SLC24A2: variants seen among roughly 807,000 people sequenced by gnomAD.
SLC24A2 encodes sodium/potassium/calcium exchanger 2.
SLC24A2 carries 36 observed loss-of-function variants against 62.0 expected under a neutral mutation model. The observed-to-expected ratio is 0.58, with a 90% CI of 0.44 to 0.77. The LOEUF (loss-of-function observed/expected upper bound fraction) is 0.77, where lower values mean the gene tolerates loss of function less well. Ranked by LOEUF, SLC24A2 falls within the 30% of genes least tolerant of loss-of-function variation. SLC24A2 has a pLI of 0.00. For missense variants in SLC24A2, 846 were observed against 817.9 expected (o/e 1.03, Z -0.42); for synonymous variants, 358 against 294.0 (o/e 1.22, Z -2.23).
the SLC24A2 span, among the ~76,000 whole-genome samples, chr9:20,127,260 C>A: frequency 1.8e-4 from 27 of 152,242 alleles, no homozygotes; most frequent in African/African-American, 6.5e-4. Context: ...GAATCCCCAG[C>A]AAACATTCTG....
At chr9:19,717,627 T>G (rs1820896470) in intron 2 of SLC24A2, among the ~76,000 whole-genome samples, 1 of 152,216 alleles carries the variant, frequency 6.6e-6, no homozygotes, top group Non-Finnish European at 1.5e-5. Flanking sequence ...CATTCTAATG[T>G]TAAACTACTC....
the SLC24A2 span, among the ~76,000 whole-genome samples, chr9:20,221,159 A>T: frequency 6.6e-6 from 1 of 152,128 alleles, no homozygotes; most frequent in African/African-American, 2.4e-5. Flanking sequence ...ATATCATGCT[A>T]ATTGCGATAA....
chr9:20,067,893 T>C, the SLC24A2 span, among the ~76,000 whole-genome samples: 2 of 152,122 alleles, frequency 1.3e-5, no homozygotes, highest in African/African-American at 4.8e-5. Context: ...TTCCTTTGGG[T>C]ATATACCCAG....
the SLC24A2 span, among the ~76,000 whole-genome samples, chr9:20,158,682 G>C: frequency 6.6e-6 from 1 of 151,460 alleles, no homozygotes; most frequent in Admixed American, 6.6e-5. Context: ...ATAACTGAAA[G>C]AATAAAAAAT....
intron 9 of SLC24A2, among the ~76,000 whole-genome samples, chr9:19,527,809 T>C (rs1269798833): frequency 6.6e-6 from 1 of 152,162 alleles, no homozygotes; most frequent in Non-Finnish European, 1.5e-5. Flanking sequence ...AGGCAAGAAG[T>C]AGTTAGACTT....
the SLC24A2 span, among the ~76,000 whole-genome samples, chr9:20,261,889 G>A: frequency 4.0e-5 from 6 of 151,700 alleles, no homozygotes; most frequent in Admixed American, 1.3e-4. Context: ...ACAGGCGCCC[G>A]CCACCACGCC....
chr9:20,292,363 T>G, the SLC24A2 span, among the ~76,000 whole-genome samples: 1 of 151,952 alleles, frequency 6.6e-6, no homozygotes, highest in East Asian at 1.9e-4. Context: ...TAGAAAGAAA[T>G]GTAGGAGAGG....
the SLC24A2 span, among the ~76,000 whole-genome samples, chr9:19,847,266 T>G: frequency 1.3e-5 from 2 of 152,226 alleles, no homozygotes; most frequent in African/African-American, 2.4e-5. Flanking sequence ...TATTGCCCAT[T>G]ATTTAAATAG....
chr9:20,143,866 AT>A, the SLC24A2 span, among the ~76,000 whole-genome samples: 1 of 152,240 alleles, frequency 6.6e-6, no homozygotes, highest in Non-Finnish European at 1.5e-5. Flanking sequence ...TGACTCTAAT[AT>A]TTTGATGGTG....
At chr9:20,226,501 G>A in the SLC24A2 span, among the ~76,000 whole-genome samples, 17,027 of 152,130 alleles carry the variant, frequency 0.11, 1,096 homozygotes, top group African/African-American at 0.17. Context: ...TTCACAACAT[G>A]TGGGTTGTGA....
chr9:20,096,125 A>G, the SLC24A2 span, among the ~76,000 whole-genome samples: 3,518 of 150,798 alleles, frequency 0.023, 64 homozygotes, highest in Middle Eastern at 0.037. Flanking sequence ...CCGTCCGTCC[A>G]TCCTATTGAT....
At chr9:20,258,109 G>A in the SLC24A2 span, among the ~76,000 whole-genome samples, 1 of 152,152 alleles carries the variant, frequency 6.6e-6, no homozygotes, top group Non-Finnish European at 1.5e-5. Context: ...GGAGAATAAT[G>A]ACTCCCAAAG....
chr9:20,284,258 A>G, the SLC24A2 span, among the ~76,000 whole-genome samples: 2 of 149,962 alleles, frequency 1.3e-5, no homozygotes, highest in South Asian at 2.1e-4. Context: ...GTTTGTCTAT[A>G]TAATTCAAAT....
At chr9:19,537,342 C>A (rs1173901279) in intron 8 of SLC24A2, among the ~76,000 whole-genome samples, 8 of 107,660 alleles carry the variant, frequency 7.4e-5, no homozygotes, top group East Asian at 2.9e-4. Context: ...TTAGGTCTAA[C>A]GTTTAAATCT....
chr9:19,942,610 C>G, the SLC24A2 span, among the ~76,000 whole-genome samples: 345 of 152,274 alleles, frequency 2.3e-3, 7 homozygotes, highest in East Asian at 0.06. Flanking sequence ...CTTAATTTAA[C>G]CTAGCGAACA....
At chr9:20,058,653 C>A in the SLC24A2 span, among the ~76,000 whole-genome samples, 1 of 152,154 alleles carries the variant, frequency 6.6e-6, no homozygotes, top group African/African-American at 2.4e-5. Context: ...TAGAGACTCA[C>A]GTCTGTAATC....
chr9:19,762,230 G>A (rs1430916639), intron 2 of SLC24A2, among the ~76,000 whole-genome samples: 1 of 151,894 alleles, frequency 6.6e-6, no homozygotes, highest in Admixed American at 6.6e-5. Flanking sequence ...ATTAATAGAT[G>A]GCAAACATTT....
the SLC24A2 span, among the ~76,000 whole-genome samples, chr9:19,970,663 A>G: frequency 3.3e-5 from 5 of 152,362 alleles, no homozygotes; most frequent in African/African-American, 1.2e-4. Context: ...GTCCCCATAG[A>G]AGTTATAAAC....
At chr9:19,556,021 G>A (rs928620860) in intron 7 of SLC24A2, among the ~76,000 whole-genome samples, 3 of 152,124 alleles carry the variant, frequency 2.0e-5, no homozygotes, top group Non-Finnish European at 4.4e-5. Context: ...TGCCTTCTAG[G>A]ACTCTTATCA....
Sources: gnomAD v4.1 joint callset for allele counts (sites outside exome capture counted in the v4.1 genomes callset) on GRCh38, gnomAD v4.1.1 for gene constraint, MANE v1.5 for transcripts, NCBI Gene and HGNC (gene_info 2026-07-23, HGNC 2026-07-21) for gene names.